MYO1E: variants seen among roughly 807,000 people sequenced by gnomAD.
MYO1E encodes myosin IE.
In MYO1E, 68 loss-of-function variants were observed where a neutral mutation model predicts 151.1. That is an observed-to-expected ratio of 0.45 (90% CI 0.37 to 0.55). The LOEUF (loss-of-function observed/expected upper bound fraction) is 0.55, where lower values mean the gene tolerates loss of function less well. Ranked by LOEUF, MYO1E falls within the 20% of genes least tolerant of loss-of-function variation. The pLI is 0.00. For synonymous variants in MYO1E, 601 were observed against 501.7 expected, an observed-to-expected ratio of 1.20 and a Z score of -2.64; for missense variants, 1,363 against 1,389.3, an observed-to-expected ratio of 0.98 and a Z score of 0.30.
chr15:59,343,080 G>A (rs559210075), intron 1 of MYO1E, among the ~76,000 whole-genome samples: 3 of 152,110 alleles, frequency 2.0e-5, no homozygotes, highest in South Asian at 4.1e-4. Flanking sequence ...GTGTTTTTCT[G>A]TGTACTTACT....
chr15:59,137,343 G>A lies in MYO1E; in HGVS notation c.*37C>T. The A allele has an allele frequency of 6.3e-7, 1 of 1,579,462 alleles. No homozygotes were observed. Among genetic ancestry groups the A allele is most frequent in the Non-Finnish European group, 8.7e-7 (1 of 1,148,710 alleles). On this transcript the variant is annotated 3_prime_UTR_variant, in exon 28 of 28. Coordinates refer to ENST00000288235, the MANE Select transcript of MYO1E (RefSeq NM_004998.4). ...TATCCCCTCCCCTGGTCTGTGCCTG[G>A]AGCTCCTCTGCCCCATGTGTCAGAG...
intron 1 of MYO1E, among the ~76,000 whole-genome samples, chr15:59,345,038 C>T (rs768285865): frequency 9.9e-5 from 15 of 152,172 alleles, no homozygotes; most frequent in Admixed American, 2.6e-4. Context: ...AAATGCCTAA[C>T]TTTTTATGAA....
chr15:59,186,715 G>C (rs560722320), intron 18 of MYO1E, among the ~76,000 whole-genome samples: 1 of 152,298 alleles, frequency 6.6e-6, no homozygotes, highest in African/African-American at 2.4e-5. Context: ...TTGCACCACT[G>C]CACTCCTGAG....
chr15:59,353,772 AC>A (rs67241822), intron 1 of MYO1E, among the ~76,000 whole-genome samples: 11 of 99,372 alleles, frequency 1.1e-4, no homozygotes, highest in Admixed American at 6.4e-4. Context: ...AAAAAAAAAA[AC>A]AAAGAAAGAA....
Position 59,372,715 on chromosome 15 carries a change from G to C in MYO1E, c.-215C>G, listed in dbSNP as rs1057144046. 2 of 596,884 alleles carry C rather than the reference G, an allele frequency of 3.4e-6. No homozygotes were observed. The highest frequency in any genetic ancestry group is 1.9e-5 in the African/African-American group (1 of 51,686). The allele number at this position is 596,884 out of a possible 1,614,324, so 37.0% of individuals were successfully genotyped here. A position where few individuals can be genotyped will look rare whatever the true frequency, so the allele number is the denominator to read the frequency against. On this transcript the variant is annotated 5_prime_UTR_variant, in exon 1 of 28. Coordinates refer to ENST00000288235, the MANE Select transcript of MYO1E (RefSeq NM_004998.4). ...GTGAGGGCGAGACGGCGGCGACTTA[G>C]CAGGCGGGGCGCATGCTGCGGAGGG...
intron 1 of MYO1E, among the ~76,000 whole-genome samples, chr15:59,281,556 G>A (rs2080353452): frequency 6.6e-6 from 1 of 151,856 alleles, no homozygotes; most frequent in South Asian, 2.1e-4. Context: ...GATTACAGGC[G>A]TGAGCCACCG....
intron 18 of MYO1E, among the ~76,000 whole-genome samples, chr15:59,186,947 G>A (rs1368831777): frequency 6.6e-6 from 1 of 152,090 alleles, no homozygotes; most frequent in African/African-American, 2.4e-5. Context: ...TATAGGTCCT[G>A]CCAAATACAT....
At chr15:59,174,687 G>C (rs1345168800) in intron 19 of MYO1E, among the ~76,000 whole-genome samples, 1 of 152,150 alleles carries the variant, frequency 6.6e-6, no homozygotes, top group Non-Finnish European at 1.5e-5. Flanking sequence ...TTCTGCAGGA[G>C]CTGGGCTTGT....
At chr15:59,331,005 A>T (rs28406857) in intron 1 of MYO1E, among the ~76,000 whole-genome samples, 1 of 152,116 alleles carries the variant, frequency 6.6e-6, no homozygotes, top group South Asian at 2.1e-4. Flanking sequence ...CCTGGGCTCA[A>T]GCAATCCTCC....
At chr15:59,285,294 G>A (rs1433757120) in intron 1 of MYO1E, among the ~76,000 whole-genome samples, 3 of 147,940 alleles carry the variant, frequency 2.0e-5, no homozygotes, top group African/African-American at 7.4e-5. Flanking sequence ...GAGACAGAAA[G>A]ATCACGTAAG....
chr15:59,149,052 G>GTTTTTTT (rs570700878), intron 26 of MYO1E, among the ~76,000 whole-genome samples: 2 of 128,234 alleles, frequency 1.6e-5, no homozygotes, highest in African/African-American at 3.0e-5. Context: ...TTTTTTTTTT[G>GTTTTTTT]TTTTTTTTTT....
rs2079856322 is a variant in MYO1E at position 59,208,617 on chromosome 15, A to C, written c.1530+64T>G. 3.2e-6 allele frequency: 5 copies of C among 1,585,058 alleles called. No homozygotes were observed. In the Admixed American group the frequency reaches 6.7e-5, roughly 21 times the overall value. ...GGCGAGCCATATGATTTGCTTCATG[A>C]GAAACCAGATCACAAACCCAAAGGC... is the stretch of plus-strand genomic sequence containing the variant. On this transcript the variant is annotated intron_variant, in intron 14 of 27. Transcript: ENST00000288235.
At chr15:59,237,546 C>A (rs2080074163) in intron 4 of MYO1E, among the ~76,000 whole-genome samples, 1 of 152,078 alleles carries the variant, frequency 6.6e-6, no homozygotes, top group Non-Finnish European at 1.5e-5. Flanking sequence ...TTTGTGTTAC[C>A]AGGATAGAAT....
intron 22 of MYO1E, among the ~76,000 whole-genome samples, chr15:59,167,844 T>C (rs1393561825): frequency 6.6e-6 from 1 of 152,034 alleles, no homozygotes; most frequent in Non-Finnish European, 1.5e-5. Context: ...GCTCAACTAA[T>C]TTTTTTGTAT....
intron 4 of MYO1E, among the ~76,000 whole-genome samples, chr15:59,237,738 A>G (rs1193922705): frequency 6.6e-6 from 1 of 152,262 alleles, no homozygotes; most frequent in African/African-American, 2.4e-5. Context: ...GAGTTACTCA[A>G]GGAAAGAGAA....
In MYO1E at chr15:59,138,291, C is replaced by A; in HGVS notation, c.3157G>T (p.Val1053Leu). 6.2e-7 allele frequency: 1 copy of A among 1,614,210 alleles called. No homozygotes were observed. The highest frequency in any genetic ancestry group is 8.5e-7 in the Non-Finnish European group (1 of 1,180,032). The change falls in exon 27 of 28, where the codon GTG (valine) becomes TTG (leucine). Residue 1053 changes from valine (V) to leucine (L), a missense_variant. Coordinates refer to ENST00000288235, the MANE Select transcript of MYO1E (RefSeq NM_004998.4). Reference protein sequence around the residue: ...PKPQPKPKPQVPQCKALYAYD... With the variant: ...PKPQPKPKPQLPQCKALYAYD... ...GCATACAAAGCCTTGCACTGTGGCACCTGAGGCTTGGGCTTGGGCTGGGGC... is the reference window on the plus strand; with the variant it reads ...GCATACAAAGCCTTGCACTGTGGCAACTGAGGCTTGGGCTTGGGCTGGGGC...
intron 26 of MYO1E, among the ~76,000 whole-genome samples, chr15:59,144,149 C>A (rs2079427111): frequency 6.6e-6 from 1 of 151,892 alleles, no homozygotes; most frequent in Non-Finnish European, 1.5e-5. Context: ...TTTTCTTTTT[C>A]CTTTTATTTA....
At chr15:59,140,401 C>T (rs764491023) in intron 26 of MYO1E, among the ~76,000 whole-genome samples, 25 of 152,100 alleles carry the variant, frequency 1.6e-4, no homozygotes, top group Non-Finnish European at 3.7e-4. Flanking sequence ...AAAAGGAAAA[C>T]GGAAACATGG....
At chr15:59,298,240 T>C (rs2080462420) in intron 1 of MYO1E, among the ~76,000 whole-genome samples, 1 of 152,222 alleles carries the variant, frequency 6.6e-6, no homozygotes, top group Admixed American at 6.5e-5. Flanking sequence ...AGTTATTTGG[T>C]ACCCTGGGGG....
Sources: gnomAD v4.1 joint callset for allele counts (sites outside exome capture counted in the v4.1 genomes callset) on GRCh38, gnomAD v4.1.1 for gene constraint, MANE v1.5 for transcripts, NCBI Gene and HGNC (gene_info 2026-07-23, HGNC 2026-07-21) for gene names.